The following RPL3 variants were observed in gnomAD, a reference collection of about 807,000 sequenced individuals.
The protein encoded by RPL3 is ribosomal protein L3, also known as large ribosomal subunit protein uL3.
A neutral mutation model predicts 46.0 loss-of-function variants in RPL3; 3 were observed. The observed-to-expected ratio is 0.07, with a 90% CI of 0.03 to 0.17. The LOEUF (loss-of-function observed/expected upper bound fraction) is 0.17, where lower values mean the gene tolerates loss of function less well. Ranked by LOEUF, RPL3 falls within the 10% of genes least tolerant of loss-of-function variation. The pLI is 1.00. For missense variants in RPL3, 387 were observed against 532.7 expected (o/e 0.73, Z 2.69); for synonymous variants, 224 against 190.8 (o/e 1.17, Z -1.43).
intron 6 of RPL3, 69 bp downstream of exon 6, chr22:39,314,617 G>A (rs1468035660): frequency 6.6e-7 from 1 of 1,515,794 alleles, no homozygotes; most frequent in Non-Finnish European, 8.9e-7. Flanking sequence ...GCACTGACAG[G>A]CACAGAAACC....
chr22:39,314,434 C>A (rs146784662), intron 6 of RPL3: 1 of 627,370 alleles, frequency 1.6e-6, no homozygotes, highest in Admixed American at 2.9e-5. Context: ...CTGTCACCCC[C>A]CTGGTGGTGG....
chr22:39,316,507 G>A (rs1171872338), intron 4 of RPL3, among the ~76,000 whole-genome samples, 199 bp downstream of exon 4: 1 of 152,206 alleles, frequency 6.6e-6, no homozygotes, highest in African/African-American at 2.4e-5. Flanking sequence ...CTTTCAGGCA[G>A]GCATTTCAGT....
At chr22:39,315,302 A>C in intron 5 of RPL3, 67 bp downstream of exon 5, 1 of 1,604,258 alleles carries the variant, frequency 6.2e-7, no homozygotes, top group Non-Finnish European at 8.5e-7. Context: ...CTCATCAACG[A>C]ACAGCTGGGC....
Position 39,314,813 on chromosome 22 carries a change from G to A in RPL3, c.722C>T (p.Pro241Leu), listed in dbSNP as rs1479322742. 2 of 1,613,598 alleles carry A rather than the reference G, an allele frequency of 1.2e-6. No homozygotes were observed. Among genetic ancestry groups the A allele is most frequent in the Non-Finnish European group, 1.7e-6 (2 of 1,179,908 alleles). The part of the protein sequence containing the change: ...VTSRWHTKKL[P>L]RKTHRGLRKV... ...GCGCAGGCCTCGGTGGGTCTTGCGGGGCAGCTTCTTGGTGTGCCAACGACT... is the reference window on the plus strand; with the variant it reads ...GCGCAGGCCTCGGTGGGTCTTGCGGAGCAGCTTCTTGGTGTGCCAACGACT... Residue 241 changes from proline to leucine, a missense_variant, in exon 6 of 10, where the codon CCC (proline) becomes CTC (leucine). Pro to Leu is a moderately conservative substitution (Grantham distance 98, BLOSUM62 -3). This residue lies in a region of RPL3 where 48 missense variants were observed against 80.7 expected (regional missense o/e 0.60). Transcript: ENST00000216146.
chr22:39,313,102 T>A (rs1039722730), intron 9 of RPL3, 89 bp downstream of exon 9: 5 of 1,601,326 alleles, frequency 3.1e-6, no homozygotes, highest in Middle Eastern at 1.7e-4. Context: ...GCCTAAGGCA[T>A]CAAGACCACC....
intron 8 of RPL3, 137 bp downstream of exon 8, chr22:39,313,497 G>C (rs773924746): frequency 1.9e-5 from 24 of 1,242,262 alleles, no homozygotes; most frequent in Middle Eastern, 2.4e-4. Flanking sequence ...CCTCATCTCA[G>C]GACTTCAAAG....
At chr22:39,313,382 C>G (rs1463161303) in intron 8 of RPL3, 72 bp from the exon 9 acceptor site, 9 of 1,587,876 alleles carry the variant, frequency 5.7e-6, no homozygotes, top group Non-Finnish European at 7.7e-6. Flanking sequence ...TCACAGCGCC[C>G]CTGCATCTGG....
intron 6 of RPL3, 32 bp downstream of exon 6, chr22:39,314,654 C>T (rs1165656084): frequency 6.3e-7 from 1 of 1,592,870 alleles, no homozygotes; most frequent in African/African-American, 1.3e-5. Context: ...GGGCCTCTTC[C>T]CACCCCCAGG....
rs1310226244 is a variant in RPL3, at chr22:39,319,622, A to C, written c.-25T>G. On this transcript the variant is annotated 5_prime_UTR_variant, in exon 1 of 10. Coordinates refer to ENST00000216146, the MANE Select transcript of RPL3 (RefSeq NM_000967.4). ...TCACGCCATCAAATCCCGCCGGTAG[A>C]GGCCGGTCGGCCTTACGGGTCCGCT... 13 of 1,548,678 alleles carry C rather than the reference A, an allele frequency of 8.4e-6. No homozygotes were observed. Among genetic ancestry groups the C allele is most frequent in the Non-Finnish European group, 1.1e-5 (13 of 1,142,052 alleles).
At position 39,315,505 on chromosome 22, in the gene RPL3, C is replaced by G; in HGVS notation, c.552G>C (p.Gln184His). The stretch of plus-strand genomic sequence containing the variant: ...TCTCGGCCACAGTGCCTCCGTTCAC[C>G]TGGATCTCCATCAGGTGGGCCTTCT... The part of the protein sequence containing the change: ...RQKKAHLMEI[Q>H]VNGGTVAEKL... The change falls in exon 5 of 10, where the codon CAG becomes CAC. Residue 184 changes from glutamine to histidine, a missense_variant. Gln to His is a conservative substitution (Grantham distance 24). This residue lies in a region of RPL3 where 196 missense variants were observed against 217.5 expected (regional missense o/e 0.90). Transcript: ENST00000216146. The G allele has an allele frequency of 1.9e-6, 3 of 1,614,162 alleles. No homozygotes were observed. Among genetic ancestry groups the G allele is most frequent in the Non-Finnish European group, 2.5e-6 (3 of 1,180,050 alleles).
chr22:39,313,338 G>A, intron 8 of RPL3, 28 bp from the exon 9 acceptor site: 2 of 1,613,490 alleles, frequency 1.2e-6, no homozygotes, highest in Non-Finnish European at 1.7e-6. Flanking sequence ...AAGGGATTTA[G>A]GATTACGAGG....
In RPL3 at chr22:39,317,505, A is replaced by C. The variant is rs776089556; in HGVS notation, c.321T>G (p.Ala107=). ...RGLRTFKTVF[A]EHISDECKRR... Reference sequence around the variant, plus strand: ...TCTTGCATTCATCACTGATGTGCTCAGCAAAGACAGTCTTGAAGGTCCGGA... The same window carrying C: ...TCTTGCATTCATCACTGATGTGCTCCGCAAAGACAGTCTTGAAGGTCCGGA... Residue 107 remains alanine (A), a synonymous_variant, in exon 3 of 10, where the codon GCT becomes GCG. Coordinates refer to ENST00000216146, the MANE Select transcript of RPL3 (RefSeq NM_000967.4). The C allele has an allele frequency of 1.9e-6, 3 of 1,614,008 alleles. No individual in the cohort carries two copies. In the East Asian group the frequency reaches 6.7e-5, roughly 36 times the overall value.
intron 6 of RPL3, 132 bp downstream of exon 6, chr22:39,314,541 CAGAACTGACCATG>C: frequency 2.0e-6 from 2 of 1,005,734 alleles, no homozygotes; most frequent in East Asian, 5.2e-5. Flanking sequence ...CAAGATGGGC[CAGAACTGACCATG>C]AGAAGCAAGC....
At chr22:39,317,031 G>T in intron 3 of RPL3, 190 bp from the exon 4 acceptor site, 1 of 780,476 alleles carries the variant, frequency 1.3e-6, no homozygotes, top group Non-Finnish European at 2.1e-6. Context: ...GCTGAGCAGA[G>T]GTCCACAAGG....
chr22:39,318,662 T>C (rs1245814869), intron 1 of RPL3, 70 bp from the exon 2 acceptor site: 2 of 1,339,736 alleles, frequency 1.5e-6, no homozygotes, highest in South Asian at 1.4e-5. Flanking sequence ...TCCCAGCTGC[T>C]TAAGTTCCAA....
At chr22:39,313,084 CAA>C (rs891112135) in intron 9 of RPL3, 100 bp from the exon 10 acceptor site, 7 of 1,605,204 alleles carry the variant, frequency 4.4e-6, no homozygotes, top group Non-Finnish European at 5.1e-6. Flanking sequence ...TCCACAGCCA[CAA>C]GAGAGGCCTA....
chr22:39,317,443 C>A lies in RPL3; in HGVS notation c.365+18G>T. 6.2e-7 allele frequency: 1 copy of A among 1,609,412 alleles called. No individual in the cohort carries two copies. On this transcript the variant is annotated intron_variant, in intron 3 of 9. Coordinates refer to ENST00000216146, the MANE Select transcript of RPL3 (RefSeq NM_000967.4). ...TCCCAAGCTCCCAAGCTAGGGACTG[C>A]ATGGCCTCCTCCCTTACCAATTCTT...
At chr22:39,318,993 T>G in intron 1 of RPL3, 1 of 539,950 alleles carries the variant, frequency 1.9e-6, no homozygotes, top group Admixed American at 1.9e-5. Flanking sequence ...ATAGGCTGCC[T>G]CCGGTGCCCG....
Position 39,318,547 on chromosome 22 carries a change from G to A in RPL3, c.49C>T (p.Leu17=). The A allele has an allele frequency of 1.9e-6, 3 of 1,613,192 alleles. No individual in the cohort carries two copies. Among genetic ancestry groups the A allele is most frequent in the South Asian group, 2.2e-5 (2 of 90,984 alleles). ...SAPRHGSLGF[L]PRKRSSRHRG... The stretch of plus-strand genomic sequence containing the variant: ...TGCCTGCTGCTGCGCTTCCGAGGCA[G>A]GAAGCCGAGGGACCCATGTCTGGGA... The change falls in exon 2 of 10, where the codon CTG becomes TTG. Residue 17 remains leucine (L), a synonymous_variant. Coordinates refer to ENST00000216146, the MANE Select transcript of RPL3 (RefSeq NM_000967.4).
Sources: allele counts gnomAD v4.1 joint callset (sites outside exome capture counted in the v4.1 genomes callset), GRCh38; gene constraint gnomAD v4.1.1; regional missense constraint gnomAD v4.1.1; transcripts MANE v1.5; gene names NCBI Gene and HGNC (gene_info 2026-07-23, HGNC 2026-07-21).